The following RNF145 variants were observed in gnomAD, a reference collection of about 807,000 sequenced individuals.
RNF145 encodes the protein ring finger protein 145.
A neutral mutation model predicts 57.3 loss-of-function variants in RNF145; 12 were observed. The observed-to-expected ratio is 0.21, with a 90% CI of 0.13 to 0.34. The LOEUF (loss-of-function observed/expected upper bound fraction) is 0.34. Among genes scored for constraint, RNF145 ranks in the 10% least tolerant of loss-of-function variants. RNF145 has a pLI of 1.00. For missense variants in RNF145, 429 were observed against 799.0 expected (o/e 0.54, Z 5.58); for synonymous variants, 262 against 288.3 (o/e 0.91, Z 0.92).
At chr5:159,191,084 A>G (rs1451922268) in intron 3 of RNF145, among the ~76,000 whole-genome samples, 1 of 151,784 alleles carries the variant, frequency 6.6e-6, no homozygotes, top group Non-Finnish European at 1.5e-5. Context: ...ATGAGCAAAA[A>G]AAAAAAAAAA....
chr5:159,169,336 G>C (rs927006430), intron 7 of RNF145, among the ~76,000 whole-genome samples: 13 of 152,130 alleles, frequency 8.5e-5, no homozygotes, highest in Non-Finnish European at 1.6e-4. Flanking sequence ...ACCAGATTCT[G>C]TAAATGAGCC....
At chr5:159,178,907 G>A (rs1194888467) in intron 4 of RNF145, among the ~76,000 whole-genome samples, 1 of 151,732 alleles carries the variant, frequency 6.6e-6, no homozygotes, top group Non-Finnish European at 1.5e-5. Context: ...AAACACATAC[G>A]GTATTTTATC....
intron 3 of RNF145, among the ~76,000 whole-genome samples, chr5:159,189,116 A>G (rs1584695393): frequency 6.6e-6 from 1 of 151,876 alleles, no homozygotes; most frequent in African/African-American, 2.4e-5. Flanking sequence ...GGACTTGTAT[A>G]TATTTGCAAA....
chr5:159,181,641 T>C (rs1202328224), intron 4 of RNF145, among the ~76,000 whole-genome samples: 2 of 152,146 alleles, frequency 1.3e-5, no homozygotes, highest in Admixed American at 1.3e-4. Context: ...AAATTTAAGA[T>C]ACTACGTGTT....
chr5:159,202,920 C>CA (rs766955189), intron 2 of RNF145, among the ~76,000 whole-genome samples: 1,910 of 123,814 alleles, frequency 0.015, 28 homozygotes, highest in African/African-American at 0.036. Context: ...GGGATTCAAG[C>CA]AAAAAAAAAA....
At chr5:159,161,664 A>G in intron 9 of RNF145, 42 bp from the exon 10 acceptor site, 2 of 1,161,348 alleles carry the variant, frequency 1.7e-6, no homozygotes, top group Non-Finnish European at 2.5e-6. Flanking sequence ...AAATATGATC[A>G]CTAAGATACT....
chr5:159,159,529 C>T (rs1295120803), intron 10 of RNF145, among the ~76,000 whole-genome samples: 1 of 152,206 alleles, frequency 6.6e-6, no homozygotes, highest in Non-Finnish European at 1.5e-5. Flanking sequence ...GTGGCACTCT[C>T]TCATTACGGA....
At position 159,207,781 on chromosome 5, in the gene RNF145, T is replaced by C. The variant is rs79352335; in HGVS notation, c.-40+1450A>G. ...TGATCTCCACATAAACTACTAGCAA[T>C]TCTGTGGTTTCTCATCATCTCCCAA... On this transcript the variant is annotated intron_variant, in intron 1 of 10. Transcript: ENST00000424310. 84 of 1,614,140 alleles carry C rather than the reference T, an allele frequency of 5.2e-5. No individual in the cohort carries two copies. In the East Asian group the frequency reaches 1.8e-3, roughly 35 times the overall value.
chr5:159,174,269 G>A, intron 5 of RNF145, 111 bp from the exon 6 acceptor site: 1 of 699,908 alleles, frequency 1.4e-6, no homozygotes, highest in South Asian at 2.5e-5. Flanking sequence ...TTGATTGCAA[G>A]ACTGTTTCAG....
chr5:159,165,018 C>A (rs1784346729), intron 8 of RNF145, among the ~76,000 whole-genome samples: 1 of 152,136 alleles, frequency 6.6e-6, no homozygotes, highest in Non-Finnish European at 1.5e-5. Context: ...GACGCTTTTC[C>A]TTTCCTTTTT....
chr5:159,162,438 T>TC (rs1352833417), intron 9 of RNF145, among the ~76,000 whole-genome samples: 3 of 116,450 alleles, frequency 2.6e-5, no homozygotes, highest in African/African-American at 1.1e-4. Flanking sequence ...TTTTTTTTTT[T>TC]TTTTTTTGAG....
rs1434974340 is a variant in RNF145, at chr5:159,203,590, C to T, written c.28G>A (p.Val10Met). The change falls in exon 2 of 11, where the codon GTG becomes ATG. Residue 10 changes from valine to methionine, a missense_variant. Val to Met is a conservative substitution (Grantham distance 21). Coordinates refer to ENST00000424310, the MANE Select transcript of RNF145 (RefSeq NM_001199383.2). MAAKEKLEA[V>M]LNVALRVPSI... ...GGCACCCTCAGGGCCACATTTAACA[C>T]TGCCTCCAGTTTCTCCTTTGCAGCC... 1.2e-6 allele frequency: 2 copies of T among 1,613,884 alleles called. No individual in the cohort carries two copies. Among genetic ancestry groups the T allele is most frequent in the Non-Finnish European group, 1.7e-6 (2 of 1,179,974 alleles).
intron 2 of RNF145, among the ~76,000 whole-genome samples, chr5:159,201,983 A>C (rs959597328): frequency 6.6e-6 from 1 of 152,232 alleles, no homozygotes; most frequent in Non-Finnish European, 1.5e-5. Context: ...ATTTTGACAA[A>C]GGTAACTCCA....
chr5:159,203,827 A>C (rs1307293849), intron 1 of RNF145, among the ~76,000 whole-genome samples, 171 bp from the exon 2 acceptor site: 1 of 152,182 alleles, frequency 6.6e-6, no homozygotes, highest in African/African-American at 2.4e-5. Flanking sequence ...TAACCTCTGT[A>C]TTGTGTTTTC....
chr5:159,161,223 C>T (rs1784205183), intron 10 of RNF145, 43 bp downstream of exon 10: 1 of 1,269,032 alleles, frequency 7.9e-7, no homozygotes, highest in East Asian at 2.3e-5. Flanking sequence ...CCAAGGGATA[C>T]ACTGTATGAC....
At chr5:159,159,536 CG>C (rs1784145911) in intron 10 of RNF145, among the ~76,000 whole-genome samples, 1 of 152,160 alleles carries the variant, frequency 6.6e-6, no homozygotes. Context: ...TCTCTCATTA[CG>C]GACAATGTAT....
chr5:159,203,576 G>A lies in RNF145; in HGVS notation c.42C>T (p.Ala14=). 6.2e-7 allele frequency: 1 copy of A among 1,613,686 alleles called. No homozygotes were observed. Among genetic ancestry groups the A allele is most frequent in the Non-Finnish European group, 8.5e-7 (1 of 1,179,858 alleles). Residue 14 remains alanine, a synonymous_variant, in exon 2 of 11, where the codon GCC becomes GCT. Coordinates refer to ENST00000424310, the MANE Select transcript of RNF145 (RefSeq NM_001199383.2). ...KEKLEAVLNV[A]LRVPSIMLLD... ...ACAGCATGATGCTTGGCACCCTCAG[G>A]GCCACATTTAACACTGCCTCCAGTT... is the stretch of plus-strand genomic sequence containing the variant.
chr5:159,193,032 T>C (rs975451255), intron 3 of RNF145, among the ~76,000 whole-genome samples: 1 of 152,148 alleles, frequency 6.6e-6, no homozygotes, highest in African/African-American at 2.4e-5. Context: ...TGGGGGCTGG[T>C]GGTACTAGGA....
In RNF145 at chr5:159,176,878, G is replaced by C. The variant is rs754489758; in HGVS notation, c.386-11C>G. The stretch of plus-strand genomic sequence containing the variant: ...ACACCACCAACTGACCTAAAATAGG[G>C]AATAGAATACATTTAATTTTGAGTA... On this transcript the variant is annotated splice_polypyrimidine_tract_variant and intron_variant, in intron 4 of 10. Transcript: ENST00000424310. The C allele has an allele frequency of 2.0e-6, 3 of 1,497,748 alleles. No individual in the cohort carries two copies. Among genetic ancestry groups the C allele is most frequent in the South Asian group, 2.4e-5 (2 of 83,728 alleles). The allele number at this position is 1,497,748 out of a possible 1,614,324, so 92.8% of individuals were successfully genotyped here. A position where few individuals can be genotyped will look rare whatever the true frequency, so the allele number is the denominator to read the frequency against.
Sources: gnomAD v4.1 joint callset for allele counts (sites outside exome capture counted in the v4.1 genomes callset) on GRCh38, gnomAD v4.1.1 for gene constraint, MANE v1.5 for transcripts, NCBI Gene and HGNC (gene_info 2026-07-23, HGNC 2026-07-21) for gene names.